PLCL1: variants seen among roughly 807,000 people sequenced by gnomAD.
PLCL1 encodes the protein inactive phospholipase C-like protein 1.
In PLCL1, 41 loss-of-function variants were observed where a neutral mutation model predicts 84.4. That is an observed-to-expected ratio of 0.49 (90% CI 0.38 to 0.63). The LOEUF is 0.63. Among genes scored for constraint, PLCL1 ranks in the 30% least tolerant of loss-of-function variants. The pLI, the probability that PLCL1 is intolerant of heterozygous loss-of-function variation, is 0.00. For synonymous variants in PLCL1, 490 were observed against 488.3 expected (o/e 1.00, Z -0.05); for missense variants, 1,206 against 1,367.8 (o/e 0.88, Z 1.87).
At chr2:197,867,792 C>CA (rs982255712) in intron 1 of PLCL1, among the ~76,000 whole-genome samples, 33 of 152,276 alleles carry the variant, frequency 2.2e-4, no homozygotes, top group African/African-American at 7.7e-4. Context: ...TCACTGTCCC[C>CA]AACCAGACGT....
chr2:198,121,754 TTCATCTTTTCCTACCAGAG>T (rs758256676), intron 5 of PLCL1, among the ~76,000 whole-genome samples: 2 of 152,094 alleles, frequency 1.3e-5, no homozygotes, highest in African/African-American at 2.4e-5. Context: ...TTTACTCAGT[TTCATCTTTTCCTACCAGAG>T]TATTCCATCT....
In PLCL1 at chr2:197,805,704, G is replaced by C. The variant is rs1199576934; in HGVS notation, c.240+365G>C. On this transcript the variant is annotated intron_variant, in intron 1 of 5. Coordinates refer to ENST00000428675, the MANE Select transcript of PLCL1 (RefSeq NM_006226.4). The surrounding 1 kb of genome is among the most constrained non-coding windows in gnomAD (Gnocchi z 4.0). ...GGTTGTGCATTGCTTTCCAATGAAG[G>C]GTTAGCTTTTCCCATACAATGAAGA... Among the ~76,000 whole-genome samples, 1 of 152,134 alleles carries C rather than the reference G, an allele frequency of 6.6e-6. No homozygotes were observed. The highest frequency in any genetic ancestry group is 1.5e-5 in the Non-Finnish European group (1 of 68,020).
intron 1 of PLCL1, among the ~76,000 whole-genome samples, chr2:197,848,562 A>G (rs144176797): frequency 6.6e-6 from 1 of 152,328 alleles, no homozygotes; most frequent in Non-Finnish European, 1.5e-5. Flanking sequence ...ATGAACCCAT[A>G]GTAGACTGCT....
intron 5 of PLCL1, among the ~76,000 whole-genome samples, chr2:198,133,131 G>A (rs1236032496): frequency 4.0e-5 from 6 of 151,764 alleles, no homozygotes; most frequent in African/African-American, 1.5e-4. Context: ...CAACCCAAAT[G>A]TCCAACAATG....
At chr2:198,075,588 A>G (rs1692560520) in intron 1 of PLCL1, among the ~76,000 whole-genome samples, 1 of 152,180 alleles carries the variant, frequency 6.6e-6, no homozygotes, top group African/African-American at 2.4e-5. Context: ...AATAAGAGAC[A>G]AGGCCTTTAC....
chr2:197,821,853 C>T lies in PLCL1; in HGVS notation c.240+16514C>T, dbSNP rs549803042. Among the ~76,000 whole-genome samples, 4 of 152,242 alleles carry T rather than the reference C, an allele frequency of 2.6e-5. No individual in the cohort carries two copies. In the South Asian group the frequency reaches 8.3e-4, roughly 32 times the overall value. On this transcript the variant is annotated intron_variant, in intron 1 of 5. Coordinates refer to ENST00000428675, the MANE Select transcript of PLCL1 (RefSeq NM_006226.4). ...CTGTAAGTTTTTGTTAAGGTTAAAACAGTTAGTCGTGGGATATATTCTTAA... is the reference window on the plus strand; with the variant it reads ...CTGTAAGTTTTTGTTAAGGTTAAAATAGTTAGTCGTGGGATATATTCTTAA...
At chr2:197,847,966 G>A (rs562150910) in intron 1 of PLCL1, among the ~76,000 whole-genome samples, 23 of 152,212 alleles carry the variant, frequency 1.5e-4, no homozygotes, top group Non-Finnish European at 1.5e-5. Context: ...TTTAAGATGT[G>A]TTTTCCTATC....
At chr2:198,006,174 A>C (rs2105825297) in intron 1 of PLCL1, among the ~76,000 whole-genome samples, 1 of 152,340 alleles carries the variant, frequency 6.6e-6, no homozygotes, top group South Asian at 2.1e-4. Flanking sequence ...GTCTGTTGAC[A>C]TAAAACATGA....
At chr2:197,815,095 A>G (rs1200227485) in intron 1 of PLCL1, among the ~76,000 whole-genome samples, 1 of 152,200 alleles carries the variant, frequency 6.6e-6, no homozygotes, top group African/African-American at 2.4e-5. Flanking sequence ...ACCTCAAATT[A>G]GAAGAAGGTG....
Position 197,961,264 on chromosome 2 carries a change from A to AGAGAGAGAGAGC in PLCL1, c.241-122491_241-122490insAGAGAGAGCGAG, listed in dbSNP as rs1353312792. 5.0e-5 allele frequency among the ~76,000 whole-genome samples: 7 copies of AGAGAGAGAGAGC among 139,744 alleles called. No homozygotes were observed. The East Asian group carries it at 1.4e-3, about 28-fold the overall frequency. 91.7% of individuals were successfully genotyped at this position (139,744 alleles called of 152,430 possible). On this transcript the variant is annotated intron_variant, in intron 1 of 5. Transcript: ENST00000428675. ...GAGAGAGAGAGAGAGAGAGAGAGAGAGAGCGAGCATGCATAGGTTTTAATG... is the reference window on the plus strand; with the variant it reads ...GAGAGAGAGAGAGAGAGAGAGAGAGAGAGAGAGAGAGCGAGCGAGCATGCATAGGTTTTAATG...
chr2:198,014,859 G>T (rs774390811), intron 1 of PLCL1, among the ~76,000 whole-genome samples: 1 of 152,040 alleles, frequency 6.6e-6, no homozygotes, highest in South Asian at 2.1e-4. Flanking sequence ...TGTGCAAATT[G>T]TTTTCCTTTT....
intron 1 of PLCL1, among the ~76,000 whole-genome samples, chr2:197,890,685 T>TAC: frequency 8.5e-6 from 1 of 118,096 alleles, no homozygotes; most frequent in Non-Finnish European, 1.7e-5. Flanking sequence ...TTTTTTGCTA[T>TAC]ATATATATAT....
chr2:197,970,708 A>G (rs933156101), intron 1 of PLCL1, among the ~76,000 whole-genome samples: 2 of 152,346 alleles, frequency 1.3e-5, no homozygotes, highest in South Asian at 4.1e-4. Flanking sequence ...ACTGAACTAC[A>G]AGCTTATTGA....
intron 5 of PLCL1, among the ~76,000 whole-genome samples, chr2:198,144,846 G>A (rs1028094623): frequency 1.3e-5 from 2 of 152,274 alleles, no homozygotes; most frequent in African/African-American, 4.8e-5. Context: ...AGGGTGCCCT[G>A]CAGAGAGTGC....
chr2:198,090,325 C>T (rs1692991411), intron 3 of PLCL1, among the ~76,000 whole-genome samples: 1 of 151,750 alleles, frequency 6.6e-6, no homozygotes, highest in Non-Finnish European at 1.5e-5. Flanking sequence ...AAGTTGCTAG[C>T]AGGTTATTAA....
chr2:197,968,369 A>G (rs1235514184), intron 1 of PLCL1, among the ~76,000 whole-genome samples: 2 of 152,230 alleles, frequency 1.3e-5, no homozygotes, highest in African/African-American at 4.8e-5. Context: ...CAGAATTATC[A>G]GAGATCCCCC....
Position 198,085,010 on chromosome 2 carries a change from C to T in PLCL1, c.1493C>T (p.Pro498Leu), listed in dbSNP as rs1236965488. The stretch of plus-strand genomic sequence containing the variant: ...TGCTTGGGAAATCACTGCTCCTTGC[C>T]GCAGCAGAAGGTAATGGCTCAACAG... ...ILCLGNHCSL[P>L]QQKVMAQQMK... Residue 498 changes from proline to leucine, a missense_variant, in exon 2 of 6, where the codon CCG (proline) becomes CTG (leucine). Coordinates refer to ENST00000428675, the MANE Select transcript of PLCL1 (RefSeq NM_006226.4). This position sits in a 1 kb window ranked among gnomAD's most constrained non-coding sequence, Gnocchi z 5.3. 12 of 1,613,846 alleles carry T rather than the reference C, an allele frequency of 7.4e-6. No homozygotes were observed. Among genetic ancestry groups the T allele is most frequent in the African/African-American group, 2.7e-5 (2 of 74,874 alleles).
At chr2:198,121,576 T>A (rs1432142458) in intron 5 of PLCL1, among the ~76,000 whole-genome samples, 1 of 152,084 alleles carries the variant, frequency 6.6e-6, no homozygotes, top group Non-Finnish European at 1.5e-5. Flanking sequence ...TCTTCCCCAT[T>A]GTATGTTCGT....
At chr2:198,133,381 T>C (rs1445605810) in intron 5 of PLCL1, among the ~76,000 whole-genome samples, 2 of 46,596 alleles carry the variant, frequency 4.3e-5, no homozygotes, top group Non-Finnish European at 7.8e-5. Flanking sequence ...TGTGGTGGGG[T>C]GGGGGGAGGG....
Sources: allele counts gnomAD v4.1 joint callset (sites outside exome capture counted in the v4.1 genomes callset), GRCh38; gene constraint gnomAD v4.1.1; non-coding constraint Gnocchi (gnomAD v3.1); transcripts MANE v1.5; gene names NCBI Gene and HGNC (gene_info 2026-07-23, HGNC 2026-07-21).